The following HYDIN variants were observed in gnomAD, a reference collection of about 807,000 sequenced individuals.
HYDIN encodes the protein axonemal central pair apparatus protein HYDIN.
In HYDIN, 132 loss-of-function variants were observed where a neutral mutation model predicts 403.9. The ratio of observed to expected loss-of-function variants is 0.33; its 90% CI spans 0.28 to 0.38. The LOEUF (loss-of-function observed/expected upper bound fraction) is 0.38, where lower values mean the gene tolerates loss of function less well. Ranked by LOEUF, HYDIN falls within the 10% of genes least tolerant of loss-of-function variation. HYDIN has a pLI of 1.00. For missense variants in HYDIN, 2,827 were observed against 5,009.5 expected, an observed-to-expected ratio of 0.56 and a Z score of 13.15; for synonymous variants, 1,202 against 1,891.7, an observed-to-expected ratio of 0.64 and a Z score of 9.46.
rs764671744 is a variant in HYDIN at position 70,807,777 on chromosome 16, C to T, written c.15169G>A (p.Asp5057Asn). 3 of 1,614,180 alleles carry T rather than the reference C, an allele frequency of 1.9e-6. No homozygotes were observed. The highest frequency in any genetic ancestry group is 2.5e-6 in the Non-Finnish European group (3 of 1,180,026). Residue 5057 changes from aspartate to asparagine, a missense_variant, in exon 86 of 86, where the codon GAT (aspartate) becomes AAT (asparagine). Coordinates refer to ENST00000393567, the MANE Select transcript of HYDIN (RefSeq NM_001270974.2). ...YHMVTFSIIV[D>N]NPAFTIRAGE... ...GCGCGAATGGTGAAGGCTGGGTTATCCACGATGATGGAGAAGGTCACCATG... is the reference window on the plus strand; with the variant it reads ...GCGCGAATGGTGAAGGCTGGGTTATTCACGATGATGGAGAAGGTCACCATG...
rs974565369 is a variant in HYDIN, at chr16:70,913,331, G to T, written c.8005-4470C>A. 1.2e-4 allele frequency among the ~76,000 whole-genome samples: 19 copies of T among 152,028 alleles called. No individual in the cohort carries two copies. In the South Asian group the frequency reaches 2.5e-3, roughly 20 times the overall value. Reference sequence around the variant, plus strand: ...TGTATCCCAGAGGTTTTGATAGGTTGTGTCATTCAGTTCTATGAAGTTTTA... The same window carrying T: ...TGTATCCCAGAGGTTTTGATAGGTTTTGTCATTCAGTTCTATGAAGTTTTA... On this transcript the variant is annotated intron_variant, in intron 47 of 85. Transcript: ENST00000393567.
At chr16:70,893,331 G>C (rs2143725052) in intron 55 of HYDIN, among the ~76,000 whole-genome samples, 1 of 151,982 alleles carries the variant, frequency 6.6e-6, no homozygotes, top group Admixed American at 6.5e-5. Context: ...AACTGACAGG[G>C]GAAAAGTCTC....
At chr16:70,955,861 C>G (rs2143933567) in intron 39 of HYDIN, among the ~76,000 whole-genome samples, 1 of 152,292 alleles carries the variant, frequency 6.6e-6, no homozygotes, top group Non-Finnish European at 1.5e-5. Flanking sequence ...CTCTGTCACC[C>G]AGGCTGGAGT....
chr16:71,126,892 C>G (rs1358604991), intron 9 of HYDIN, among the ~76,000 whole-genome samples: 1 of 151,670 alleles, frequency 6.6e-6, no homozygotes, highest in Non-Finnish European at 1.5e-5. Context: ...TTACCTGAAT[C>G]GGAAAACCAA....
chr16:70,956,470 T>C (rs2078240249), intron 39 of HYDIN, among the ~76,000 whole-genome samples: 1 of 152,190 alleles, frequency 6.6e-6, no homozygotes, highest in Non-Finnish European at 1.5e-5. Context: ...CCTTTTAGGG[T>C]AAAAGAGACT....
chr16:71,117,306 G>GTTATACTATATA (rs2084075357), intron 9 of HYDIN, among the ~76,000 whole-genome samples: 3 of 138,330 alleles, frequency 2.2e-5, no homozygotes, highest in African/African-American at 8.2e-5. Context: ...TCCTTGTTAG[G>GTTATACTATATA]TATACTTTGA....
At chr16:71,189,845 G>A (rs561894031) in intron 1 of HYDIN, among the ~76,000 whole-genome samples, 5 of 151,564 alleles carry the variant, frequency 3.3e-5, no homozygotes, top group Admixed American at 1.3e-4. Flanking sequence ...GAGAAGAGCC[G>A]AGAAATCTTA....
intron 43 of HYDIN, 64 bp from the exon 44 acceptor site, chr16:70,938,819 G>A: frequency 1.3e-6 from 2 of 1,585,326 alleles, no homozygotes; most frequent in Non-Finnish European, 1.7e-6. Flanking sequence ...AGCAGCCTAA[G>A]CAGGCGGAGT....
intron 28 of HYDIN, among the ~76,000 whole-genome samples, chr16:70,984,379 G>A (rs1248147364): frequency 1.4e-5 from 2 of 139,860 alleles, no homozygotes; most frequent in Admixed American, 7.2e-5. Flanking sequence ...AGCCAGACAT[G>A]GTCTTAAAAA....
At chr16:70,972,268 G>C (rs967384601) in intron 35 of HYDIN, among the ~76,000 whole-genome samples, 29 of 116,300 alleles carry the variant, frequency 2.5e-4, no homozygotes, top group Non-Finnish European at 4.5e-4. Flanking sequence ...CACTGAAGGT[G>C]CTTAAGCATT....
chr16:70,923,752 C>T (rs1158518491), intron 45 of HYDIN, among the ~76,000 whole-genome samples: 1 of 144,542 alleles, frequency 6.9e-6, no homozygotes, highest in Non-Finnish European at 1.5e-5. Context: ...ACCAGGGAGG[C>T]AGAGCTTGCA....
intron 45 of HYDIN, among the ~76,000 whole-genome samples, chr16:70,928,393 G>A (rs2077217762): frequency 6.6e-6 from 1 of 152,184 alleles, no homozygotes; most frequent in Non-Finnish European, 1.5e-5. Context: ...GGGAGATCAA[G>A]GCTGCAGTGA....
rs778565591 is a variant in HYDIN, at chr16:70,938,743, T to C, written c.6866A>G (p.Lys2289Arg). The change falls in exon 44 of 86, where the codon AAG becomes AGG. Residue 2289 changes from lysine (K) to arginine (R), a missense_variant. Physicochemically the swap from Lys to Arg is conservative, Grantham distance 26. Coordinates refer to ENST00000393567, the MANE Select transcript of HYDIN (RefSeq NM_001270974.2). Reference protein sequence around the residue: ...AKKEQEERKHKGALEKEKERL... With the variant: ...AKKEQEERKHRGALEKEKERL... ...CTCCTTCTCTTTCTCAAGAGCTCCC[T>C]TGTGCTTGCGTTCTGTGAGGGGAAC... is the stretch of plus-strand genomic sequence containing the variant. The C allele has an allele frequency of 3.1e-6, 5 of 1,614,150 alleles. No homozygotes were observed. Among genetic ancestry groups the C allele is most frequent in the South Asian group, 2.2e-5 (2 of 91,090 alleles).
chr16:71,038,176 C>A (rs1374042570), intron 18 of HYDIN, among the ~76,000 whole-genome samples: 1 of 152,254 alleles, frequency 6.6e-6, no homozygotes, highest in Non-Finnish European at 1.5e-5. Context: ...TATTTGCGAT[C>A]TTTTGTAATT....
At chr16:71,225,543 C>A (rs1245826492) in intron 1 of HYDIN, among the ~76,000 whole-genome samples, 1 of 152,176 alleles carries the variant, frequency 6.6e-6, no homozygotes, top group Non-Finnish European at 1.5e-5. Context: ...CCGGCCCTAT[C>A]TCTGGACAGT....
chr16:71,144,897 C>T (rs1354042751), intron 7 of HYDIN, among the ~76,000 whole-genome samples: 1 of 151,834 alleles, frequency 6.6e-6, no homozygotes, highest in Admixed American at 6.6e-5. Context: ...GACTCATCAA[C>T]AGCCCATGTT....
intron 80 of HYDIN, among the ~76,000 whole-genome samples, chr16:70,830,664 CAGTTGTACTTGGA>C (rs1160210094): frequency 6.7e-6 from 1 of 149,550 alleles, no homozygotes; most frequent in East Asian, 2.0e-4. Context: ...GGGTATATTC[CAGTTGTACTTGGA>C]AGAGCCAATA....
chr16:70,918,130 T>C, intron 47 of HYDIN, 81 bp downstream of exon 47: 3 of 441,020 alleles, frequency 6.8e-6, no homozygotes, highest in South Asian at 5.0e-5. Flanking sequence ...GGCTCCATTT[T>C]TGGTCTGGTG....
At chr16:71,140,933 C>T (rs1016183261) in intron 7 of HYDIN, among the ~76,000 whole-genome samples, 28 of 148,770 alleles carry the variant, frequency 1.9e-4, no homozygotes, top group Non-Finnish European at 7.5e-5. Flanking sequence ...TCCAGAAATG[C>T]AATAATGTCC....
Sources: gnomAD v4.1 joint callset for allele counts (sites outside exome capture counted in the v4.1 genomes callset) on GRCh38, gnomAD v4.1.1 for gene constraint, MANE v1.5 for transcripts, NCBI Gene and HGNC (gene_info 2026-07-23, HGNC 2026-07-21) for gene names.